LPP: variants seen among roughly 807,000 people sequenced by gnomAD.
LPP encodes LIM domain containing preferred translocation partner in lipoma.
LPP carries 38 observed loss-of-function variants against 60.4 expected under a neutral mutation model. The observed-to-expected ratio is 0.63, with a 90% CI of 0.49 to 0.83. LPP has a LOEUF of 0.83. Among genes scored for constraint, LPP ranks in the 40% least tolerant of loss-of-function variants. LPP has a pLI of 0.00. For synonymous variants in LPP, 328 were observed against 290.8 expected (o/e 1.13, Z -1.30); for missense variants, 902 against 783.6 (o/e 1.15, Z -1.80).
intron 9 of LPP, among the ~76,000 whole-genome samples, chr3:188,840,913 A>G (rs1009115952): frequency 1.3e-5 from 2 of 152,122 alleles, no homozygotes; most frequent in African/African-American, 4.8e-5. Flanking sequence ...TTCATTTTAC[A>G]TTAAAAGTAG....
chr3:188,821,289 A>G (rs1004666581), intron 9 of LPP, among the ~76,000 whole-genome samples: 23 of 149,680 alleles, frequency 1.5e-4, no homozygotes, highest in African/African-American at 5.7e-4. Context: ...AATTATCTGG[A>G]TGGTTTTAAA....
Position 188,352,757 on chromosome 3 carries a change from C to CA in LPP, c.-10+11039dup, listed in dbSNP as rs1407847468. On this transcript the variant is annotated intron_variant, in intron 3 of 11. Coordinates refer to ENST00000617246, the MANE Select transcript of LPP (RefSeq NM_001375462.1). The surrounding 1 kb of genome is among the most constrained non-coding windows in gnomAD (Gnocchi z 4.4). ...GTGCGCACTTCAGTCCTGAAAGCTGCAGAGGGATGGGCTGGTGACACTGCC... is the reference window on the plus strand; with the variant it reads ...GTGCGCACTTCAGTCCTGAAAGCTGCAAGAGGGATGGGCTGGTGACACTGCC... 6.6e-6 allele frequency among the ~76,000 whole-genome samples: 1 copy of CA among 152,142 alleles called. No homozygotes were observed. The highest frequency in any genetic ancestry group is 1.5e-5 in the Non-Finnish European group (1 of 68,034).
intron 8 of LPP, among the ~76,000 whole-genome samples, chr3:188,722,149 A>G (rs1339730664): frequency 6.6e-6 from 1 of 152,176 alleles, no homozygotes; most frequent in Non-Finnish European, 1.5e-5. Flanking sequence ...TGAGAGGGTC[A>G]CTGCCTTGAA....
At chr3:188,296,217 G>A (rs1259891927) in intron 2 of LPP, among the ~76,000 whole-genome samples, 48 of 152,158 alleles carry the variant, frequency 3.2e-4, no homozygotes, top group Admixed American at 3.1e-3. Context: ...ATGAGACTTG[G>A]CCCTTGACAA....
rs534355434 is a variant in LPP at position 188,182,042 on chromosome 3, G to A, written c.-190+27790G>A. Among the ~76,000 whole-genome samples the A allele has an allele frequency of 1.5e-3, 224 of 152,322 alleles. 1 individual carries two copies. The highest frequency in any genetic ancestry group is 5.2e-3 in the African/African-American group (217 of 41,568). On this transcript the variant is annotated intron_variant, in intron 1 of 11. Transcript: ENST00000617246. This position sits in a 1 kb window ranked among gnomAD's most constrained non-coding sequence, Gnocchi z 4.4. ...CCAGATCTCTGATATAGAATTTAAGGCACATTTTATTGCGAGTATTTGCTG... is the reference window on the plus strand; with the variant it reads ...CCAGATCTCTGATATAGAATTTAAGACACATTTTATTGCGAGTATTTGCTG...
chr3:188,162,970 G>A (rs1240648610), intron 1 of LPP, among the ~76,000 whole-genome samples: 1 of 152,108 alleles, frequency 6.6e-6, no homozygotes, highest in Non-Finnish European at 1.5e-5. Context: ...TTATTAATGA[G>A]GTCACCACAG....
chr3:188,731,572 G>A (rs866170390), intron 8 of LPP, among the ~76,000 whole-genome samples: 2 of 120,978 alleles, frequency 1.7e-5, no homozygotes, highest in South Asian at 4.6e-4. Context: ...CCCCAGGCTG[G>A]AGTGCAGTGG....
At chr3:188,750,941 A>T (rs1238365379) in intron 8 of LPP, among the ~76,000 whole-genome samples, 1 of 152,124 alleles carries the variant, frequency 6.6e-6, no homozygotes, top group Non-Finnish European at 1.5e-5. Flanking sequence ...TGAACTCTTA[A>T]GTTCTGTAGG....
At chr3:188,473,031 T>C (rs1480428487) in intron 4 of LPP, among the ~76,000 whole-genome samples, 2 of 152,162 alleles carry the variant, frequency 1.3e-5, no homozygotes, top group Admixed American at 6.5e-5. Context: ...TGACTGTTTC[T>C]CTATTTTTTT....
intron 7 of LPP, among the ~76,000 whole-genome samples, chr3:188,704,682 A>T (rs1865127901): frequency 6.6e-6 from 1 of 152,188 alleles, no homozygotes; most frequent in Non-Finnish European, 1.5e-5. Flanking sequence ...AATTGAGAAC[A>T]TGCAAATATA....
chr3:188,312,763 A>C (rs1753850066), intron 2 of LPP: 1 of 152,222 alleles, frequency 6.6e-6, no homozygotes, highest in Non-Finnish European at 1.5e-5. Flanking sequence ...TTAATACTTA[A>C]GTATTTAATA....
intron 7 of LPP, among the ~76,000 whole-genome samples, chr3:188,659,685 G>T (rs915774064): frequency 2.6e-5 from 4 of 152,198 alleles, no homozygotes; most frequent in African/African-American, 7.2e-5. Context: ...GCTCCAACTC[G>T]CAGCTTGGCA....
At chr3:188,495,078 A>ATTTTTT (rs1172494426) in intron 5 of LPP, among the ~76,000 whole-genome samples, 1 of 100,664 alleles carries the variant, frequency 9.9e-6, no homozygotes, top group African/African-American at 6.1e-5. Context: ...ATATATATAT[A>ATTTTTT]TATATTTTAT....
chr3:188,579,165 G>A (rs1290514051), intron 6 of LPP, among the ~76,000 whole-genome samples: 2 of 152,230 alleles, frequency 1.3e-5, no homozygotes, highest in African/African-American at 4.8e-5. Context: ...TTCCAGGAAC[G>A]TGGCTAGAGC....
At chr3:188,170,267 A>C (rs1351108392) in intron 1 of LPP, among the ~76,000 whole-genome samples, 1 of 151,878 alleles carries the variant, frequency 6.6e-6, no homozygotes, top group African/African-American at 2.4e-5. Context: ...TGTTTGGGGC[A>C]GAGCCTCTGC....
At chr3:188,347,269 A>G (rs537534262) in intron 3 of LPP, among the ~76,000 whole-genome samples, 1 of 152,352 alleles carries the variant, frequency 6.6e-6, no homozygotes, top group South Asian at 2.1e-4. Flanking sequence ...AGGAATACAG[A>G]GAATGTGTAC....
At chr3:188,776,680 T>C (rs551139898) in intron 9 of LPP, among the ~76,000 whole-genome samples, 1 of 152,326 alleles carries the variant, frequency 6.6e-6, no homozygotes, top group East Asian at 1.9e-4. Flanking sequence ...AGGTGAATAC[T>C]TAAAAGCTAT....
intron 4 of LPP, among the ~76,000 whole-genome samples, chr3:188,467,297 A>T (rs953344474): frequency 1.3e-5 from 2 of 152,100 alleles, no homozygotes; most frequent in African/African-American, 2.4e-5. Flanking sequence ...ATATGTTTAA[A>T]TTTTTTAAAA....
chr3:188,796,984 T>C (rs1007369323), intron 9 of LPP, among the ~76,000 whole-genome samples: 2 of 152,118 alleles, frequency 1.3e-5, no homozygotes, highest in African/African-American at 4.8e-5. Flanking sequence ...TTCTAAAACT[T>C]CCACTAACTT....
Sources: gnomAD v4.1 joint callset for allele counts (sites outside exome capture counted in the v4.1 genomes callset) on GRCh38, gnomAD v4.1.1 for gene constraint, Gnocchi (gnomAD v3.1) non-coding constraint, MANE v1.5 for transcripts, NCBI Gene and HGNC (gene_info 2026-07-23, HGNC 2026-07-21) for gene names.